The following ZNF723 variants were observed in gnomAD, a reference collection of about 807,000 sequenced individuals.
ZNF723 encodes zinc finger protein 723, pseudogene.
In ZNF723, 5 loss-of-function variants were observed where a neutral mutation model predicts 9.4. That is an observed-to-expected ratio of 0.53 (90% CI 0.28 to 1.12). The LOEUF (loss-of-function observed/expected upper bound fraction) is 1.12. Among genes scored for constraint, ZNF723 ranks in the 50% most tolerant of loss-of-function variants. ZNF723 has a pLI of 0.10. For missense variants in ZNF723, 450 were observed against 501.5 expected (o/e 0.90, Z 0.98); for synonymous variants, 158 against 168.8 (o/e 0.94, Z 0.49).
At chr19:22,821,423 C>A in the ZNF723 span, among the ~76,000 whole-genome samples, 1 of 152,014 alleles carries the variant, frequency 6.6e-6, no homozygotes, top group African/African-American at 2.4e-5. Context: ...TCTCTCCTGC[C>A]TGGGCCCTTT....
chr19:22,856,439 A>G (rs1967481624), intron 3 of ZNF723, among the ~76,000 whole-genome samples: 1 of 152,194 alleles, frequency 6.6e-6, no homozygotes, highest in South Asian at 2.1e-4. Context: ...TACATAATTT[A>G]TGGCATAGTC....
chr19:22,821,768 A>G, the ZNF723 span, among the ~76,000 whole-genome samples: 4 of 152,224 alleles, frequency 2.6e-5, no homozygotes, highest in Admixed American at 6.5e-5. Context: ...CAGTGGGTAG[A>G]GTCCTGGATC....
At chr19:22,825,459 G>A in the ZNF723 span, among the ~76,000 whole-genome samples, 7 of 152,322 alleles carry the variant, frequency 4.6e-5, no homozygotes, top group South Asian at 4.1e-4. Flanking sequence ...AATTCCACTC[G>A]TCTGTGTAGG....
intron 1 of ZNF723, chr19:22,840,722 T>C (rs1967233001): frequency 6.6e-6 from 1 of 152,196 alleles, no homozygotes; most frequent in Admixed American, 6.5e-5. Context: ...TAGTATCCCA[T>C]GATATCTGTG....
chr19:22,828,005 G>A (rs553010149), upstream of ZNF723, among the ~76,000 whole-genome samples: 146 of 152,004 alleles, frequency 9.6e-4, no homozygotes, highest in Middle Eastern at 3.4e-3. Context: ...ACTTGAACCC[G>A]GGAGGCGGAT....
intron 3 of ZNF723, among the ~76,000 whole-genome samples, chr19:22,853,384 T>C (rs1967424981): frequency 1.3e-5 from 2 of 152,152 alleles, no homozygotes; most frequent in Non-Finnish European, 1.5e-5. Flanking sequence ...TATCATTAAA[T>C]CTGTAGATTA....
intron 3 of ZNF723, among the ~76,000 whole-genome samples, chr19:22,855,332 GA>G (rs1210685962): frequency 6.6e-6 from 1 of 150,926 alleles, no homozygotes; most frequent in East Asian, 2.0e-4. Flanking sequence ...GGGTTCAAGT[GA>G]TTCTCCTTCC....
At chr19:22,813,201 A>G in the ZNF723 span, among the ~76,000 whole-genome samples, 3 of 152,006 alleles carry the variant, frequency 2.0e-5, no homozygotes, top group African/African-American at 7.2e-5. Flanking sequence ...GGAGGTGTTG[A>G]CTCTCAAATT....
At position 22,856,424 on chromosome 19, in the gene ZNF723, C is replaced by T. The variant is rs534775404; in HGVS notation, c.227-694C>T. On this transcript the variant is annotated intron_variant, in intron 3 of 3. Transcript: ENST00000600766. ...CAATTTAGGACATTATTAAAATCTA[C>T]CTGTTACATAATTTATGGCATAGTC... Among the ~76,000 whole-genome samples the T allele has an allele frequency of 5.9e-5, 9 of 152,254 alleles. No individual in the cohort carries two copies. In the South Asian group the frequency reaches 1.9e-3, roughly 32 times the overall value.
the ZNF723 span, among the ~76,000 whole-genome samples, chr19:22,818,569 A>T: frequency 2.0e-5 from 3 of 152,226 alleles, no homozygotes; most frequent in Non-Finnish European, 4.4e-5. Flanking sequence ...TCTGACATAC[A>T]GGAGATGTTG....
chr19:22,845,889 CTTTT>C (rs1214348571), intron 1 of ZNF723, among the ~76,000 whole-genome samples: 3,074 of 124,374 alleles, frequency 0.025, 136 homozygotes, highest in African/African-American at 0.088. Flanking sequence ...AAAAATATGC[CTTTT>C]TTTTTTTTTT....
the ZNF723 span, among the ~76,000 whole-genome samples, chr19:22,817,043 C>A: frequency 6.6e-6 from 1 of 152,246 alleles, no homozygotes; most frequent in Non-Finnish European, 1.5e-5. Context: ...TGCCCAGTAC[C>A]TAGGTAATTT....
the ZNF723 span, among the ~76,000 whole-genome samples, chr19:22,818,637 C>T: frequency 3.9e-5 from 6 of 152,316 alleles, no homozygotes; most frequent in South Asian, 1.0e-3. Flanking sequence ...TATGGACTTT[C>T]TTGCAGGTGT....
At chr19:22,819,783 A>G in the ZNF723 span, among the ~76,000 whole-genome samples, 9 of 152,190 alleles carry the variant, frequency 5.9e-5, no homozygotes, top group African/African-American at 2.2e-4. Context: ...TGACTGTCCC[A>G]TACTGGATGG....
chr19:22,856,716 C>A (rs1035217683), intron 3 of ZNF723, among the ~76,000 whole-genome samples: 2 of 152,104 alleles, frequency 1.3e-5, no homozygotes, highest in Non-Finnish European at 2.9e-5. Context: ...GAAACAGAAA[C>A]CAAGTGTCTG....
At chr19:22,837,718 C>A (rs1047646857) in intron 1 of ZNF723, among the ~76,000 whole-genome samples, 1 of 152,196 alleles carries the variant, frequency 6.6e-6, no homozygotes, top group Non-Finnish European at 1.5e-5. Context: ...CCCACCCACT[C>A]ACAGTCATGC....
intron 3 of ZNF723, among the ~76,000 whole-genome samples, chr19:22,853,823 A>G (rs1269347458): frequency 6.6e-6 from 1 of 152,106 alleles, no homozygotes; most frequent in Non-Finnish European, 1.5e-5. Flanking sequence ...CATGTTGGCC[A>G]GGCTGGTCTC....
At chr19:22,814,984 C>T in the ZNF723 span, among the ~76,000 whole-genome samples, 2 of 152,000 alleles carry the variant, frequency 1.3e-5, no homozygotes, top group Admixed American at 1.3e-4. Flanking sequence ...TTCTCTCCTA[C>T]CTGGACCCAA....
chr19:22,822,962 C>T, the ZNF723 span, among the ~76,000 whole-genome samples: 3 of 152,176 alleles, frequency 2.0e-5, no homozygotes, highest in Non-Finnish European at 4.4e-5. Context: ...TCCTAAATAT[C>T]ACATGTGGAT....
Sources: gnomAD v4.1 joint callset for allele counts (sites outside exome capture counted in the v4.1 genomes callset) on GRCh38, gnomAD v4.1.1 for gene constraint, MANE v1.5 for transcripts, NCBI Gene and HGNC (gene_info 2026-07-23, HGNC 2026-07-21) for gene names.